Variants in PPARGC1B observed in about 807,000 individuals in gnomAD.
The protein encoded by PPARGC1B is PPARG coactivator 1 beta.
In PPARGC1B, 34 loss-of-function variants were observed where a neutral mutation model predicts 101.6. That is an observed-to-expected ratio of 0.33 (90% CI 0.25 to 0.45). The LOEUF is 0.45. PPARGC1B is among the 20% of genes least tolerant of loss of function. The pLI is 1.00. For missense variants in PPARGC1B, 1,234 were observed against 1,317.6 expected (o/e 0.94, Z 0.98); for synonymous variants, 548 against 539.3 (o/e 1.02, Z -0.22).
Position 149,765,345 on chromosome 5 carries a change from C to T in PPARGC1B, c.78+34925C>T, listed in dbSNP as rs924486931. On this transcript the variant is annotated intron_variant, in intron 1 of 11. Coordinates refer to ENST00000309241, the MANE Select transcript of PPARGC1B (RefSeq NM_133263.4). ...TACTTAAGGCCTCTCTCCAGGACCC[C>T]GAGCTCAGGCCTAGCCCGATGGAGC... Among the ~76,000 whole-genome samples the T allele has an allele frequency of 3.0e-4, 46 of 152,298 alleles. 1 individual carries two copies. Among genetic ancestry groups the T allele is most frequent in the Admixed American group, 1.2e-3 (18 of 15,294 alleles).
At chr5:149,824,101 A>G (rs903563697) in intron 2 of PPARGC1B, among the ~76,000 whole-genome samples, 2 of 152,234 alleles carry the variant, frequency 1.3e-5, no homozygotes, top group Non-Finnish European at 2.9e-5. Flanking sequence ...CTGGCATGGA[A>G]GGAAGCAGCT....
chr5:149,830,615 T>G (rs1341073090), intron 3 of PPARGC1B, 152 bp from the exon 4 acceptor site: 12 of 676,828 alleles, frequency 1.8e-5, no homozygotes, highest in South Asian at 3.5e-5. Context: ...CCTAGTATCT[T>G]GGGATCATCA....
At chr5:149,806,817 A>G (rs1329827627) in intron 1 of PPARGC1B, among the ~76,000 whole-genome samples, 1 of 152,018 alleles carries the variant, frequency 6.6e-6, no homozygotes, top group African/African-American at 2.4e-5. Flanking sequence ...CATATTGGTC[A>G]GCTGCTCTCG....
chr5:149,768,547 G>A (rs1233734109), intron 1 of PPARGC1B, among the ~76,000 whole-genome samples: 1 of 150,008 alleles, frequency 6.7e-6, no homozygotes, highest in Non-Finnish European at 1.5e-5. Context: ...AGGTTCAAGC[G>A]ATTCTGCCAC....
chr5:149,791,122 C>G (rs1756999377), intron 1 of PPARGC1B, among the ~76,000 whole-genome samples: 1 of 147,882 alleles, frequency 6.8e-6, no homozygotes, highest in African/African-American at 2.5e-5. Context: ...AACCCTGTCT[C>G]TACTAAAAAT....
At chr5:149,760,118 T>TA (rs1309773597) in intron 1 of PPARGC1B, among the ~76,000 whole-genome samples, 3 of 152,148 alleles carry the variant, frequency 2.0e-5, no homozygotes, top group Non-Finnish European at 4.4e-5. Context: ...GTTCATTCCT[T>TA]ACGCATACAC....
At chr5:149,770,813 C>T (rs1354664425) in intron 1 of PPARGC1B, among the ~76,000 whole-genome samples, 1 of 149,080 alleles carries the variant, frequency 6.7e-6, no homozygotes. Context: ...GACAACAGAG[C>T]AAGACCCTGT....
intron 1 of PPARGC1B, among the ~76,000 whole-genome samples, chr5:149,808,825 C>T (rs1368861489): frequency 3.9e-5 from 6 of 152,110 alleles, no homozygotes; most frequent in Admixed American, 3.9e-4. Flanking sequence ...CAAGGCAAAC[C>T]CAGACACAGC....
Position 149,847,859 on chromosome 5 carries a change from TC to T in PPARGC1B, c.*303del. The T allele has an allele frequency of 2.5e-6, 1 of 403,900 alleles. No individual in the cohort carries two copies. Among genetic ancestry groups the T allele is most frequent in the Non-Finnish European group, 4.5e-6 (1 of 223,872 alleles). 25.0% of individuals were successfully genotyped at this position (403,900 alleles called of 1,614,324 possible). Reference sequence around the variant, plus strand: ...GCCGGGTCCGTCACCCATCGCCCCTTCCTTCCCGACTGACTTCCTCTCGTAG... The same window carrying T: ...GCCGGGTCCGTCACCCATCGCCCCTTCTTCCCGACTGACTTCCTCTCGTAG... On this transcript the variant is annotated 3_prime_UTR_variant, in exon 12 of 12. Coordinates refer to ENST00000309241, the MANE Select transcript of PPARGC1B (RefSeq NM_133263.4).
chr5:149,817,904 A>G, intron 1 of PPARGC1B: 1 of 443,666 alleles, frequency 2.3e-6, no homozygotes, highest in South Asian at 1.6e-5. Context: ...ATGTCCAAAC[A>G]AGACTTGTAT....
intron 1 of PPARGC1B, among the ~76,000 whole-genome samples, chr5:149,794,524 G>GCACACA (rs35484083): frequency 0.042 from 5,976 of 143,620 alleles, 168 homozygotes; most frequent in African/African-American, 0.091. Flanking sequence ...ATGTGAGCGT[G>GCACACA]CACACACACA....
chr5:149,763,811 G>A (rs150636031), intron 1 of PPARGC1B, among the ~76,000 whole-genome samples: 3 of 150,978 alleles, frequency 2.0e-5, no homozygotes, highest in East Asian at 1.9e-4. Context: ...TTTTTGAGAC[G>A]GAGTCTCTGT....
chr5:149,785,600 G>A (rs773197652), intron 1 of PPARGC1B, among the ~76,000 whole-genome samples: 3 of 152,284 alleles, frequency 2.0e-5, no homozygotes, highest in South Asian at 2.1e-4. Flanking sequence ...CCTGCTGTGC[G>A]CTTGGCCTTG....
chr5:149,788,973 G>A (rs1218668702), intron 1 of PPARGC1B, among the ~76,000 whole-genome samples: 3 of 152,176 alleles, frequency 2.0e-5, no homozygotes, highest in Non-Finnish European at 4.4e-5. Context: ...TACACCTAAT[G>A]TAGATGACGA....
chr5:149,857,716 G>A (rs759541365), downstream of PPARGC1B, among the ~76,000 whole-genome samples: 2 of 152,236 alleles, frequency 1.3e-5, no homozygotes, highest in African/African-American at 2.4e-5. Context: ...TGGCTGCCCT[G>A]TACACTATGT....
intron 1 of PPARGC1B, among the ~76,000 whole-genome samples, chr5:149,754,633 G>C (rs1159220257): frequency 6.6e-6 from 1 of 152,130 alleles, no homozygotes; most frequent in Non-Finnish European, 1.5e-5. Context: ...TAAACAGGTA[G>C]GCAGAGTGAG....
rs565627932 is a variant in PPARGC1B, at chr5:149,730,530, G to A, written c.78+110G>A. 3 of 854,204 alleles carry A rather than the reference G, an allele frequency of 3.5e-6. No homozygotes were observed. Among genetic ancestry groups the A allele is most frequent in the South Asian group, 4.0e-5 (2 of 50,206 alleles). The allele number at this position is 854,204 out of a possible 1,614,324, so 52.9% of individuals were successfully genotyped here. A position where few individuals can be genotyped will look rare whatever the true frequency, so the allele number is the denominator to read the frequency against. ...GCGGTGGGAGCCCTGGGGTAACTGG[G>A]GGTTCCAGGCTGCAGAGCCCCCCTT... On this transcript the variant is annotated intron_variant, in intron 1 of 11. Transcript: ENST00000309241. This position sits in a 1 kb window ranked among gnomAD's most constrained non-coding sequence, Gnocchi z 4.0.
chr5:149,829,260 C>A (rs1246802450), intron 3 of PPARGC1B, among the ~76,000 whole-genome samples: 1 of 152,158 alleles, frequency 6.6e-6, no homozygotes, highest in African/African-American at 2.4e-5. Context: ...CTCTCTGCCC[C>A]TGCTCATTAC....
chr5:149,742,437 C>G (rs190458106), intron 1 of PPARGC1B, among the ~76,000 whole-genome samples: 3 of 152,188 alleles, frequency 2.0e-5, no homozygotes, highest in Admixed American at 2.0e-4. Flanking sequence ...TACTCTGCCA[C>G]TCTGGTGAGT....
Sources: gnomAD v4.1 joint callset for allele counts (sites outside exome capture counted in the v4.1 genomes callset) on GRCh38, gnomAD v4.1.1 for gene constraint, Gnocchi (gnomAD v3.1) non-coding constraint, MANE v1.5 for transcripts, NCBI Gene and HGNC (gene_info 2026-07-23, HGNC 2026-07-21) for gene names.